Variants in ATP4A observed in about 807,000 individuals in gnomAD.
ATP4A encodes ATPase H+/K+ transporting subunit alpha, also known as potassium-transporting ATPase alpha chain 1.
In ATP4A, 73 loss-of-function variants were observed where a neutral mutation model predicts 112.1. The ratio of observed to expected loss-of-function variants is 0.65; its 90% CI spans 0.54 to 0.79. The LOEUF (loss-of-function observed/expected upper bound fraction) is 0.79. ATP4A is among the 30% of genes least tolerant of loss of function. ATP4A has a pLI of 0.00. For synonymous variants in ATP4A, 588 were observed against 588.9 expected, an observed-to-expected ratio of 1.00 and a Z score of 0.02; for missense variants, 1,081 against 1,425.9, an observed-to-expected ratio of 0.76 and a Z score of 3.90.
In ATP4A at chr19:35,551,098, C is replaced by G; in HGVS notation, c.2899G>C (p.Val967Leu). The G allele has an allele frequency of 6.2e-7, 1 of 1,609,732 alleles. No homozygotes were observed. The highest frequency in any genetic ancestry group is 1.3e-5 in the African/African-American group (1 of 74,928). The change falls in exon 20 of 22, where the codon GTG (valine) becomes CTG (leucine). Residue 967 changes from valine (V) to leucine (L), a missense_variant. Coordinates refer to ENST00000262623, the MANE Select transcript of ATP4A (RefSeq NM_000704.3). The surrounding 1 kb of genome is among the most constrained non-coding windows in gnomAD (Gnocchi z 5.2). ...QQGFFRNKIL[V>L]IAIVFQVCIG... ...CAGACCTGGAACACGATGGCGATCA[C>G]CAGGATCTTATTCCTGGGGGTGGGC... is the stretch of plus-strand genomic sequence containing the variant.
rs372500880 is a variant in ATP4A, at chr19:35,557,665, T to C, written c.1683A>G (p.Glu561=). The change falls in exon 11 of 22, where the codon GAA becomes GAG. Residue 561 remains glutamate, a synonymous_variant. Coordinates refer to ENST00000262623, the MANE Select transcript of ATP4A (RefSeq NM_000704.3). The surrounding 1 kb of genome is among the most constrained non-coding windows in gnomAD (Gnocchi z 4.4). Reference sequence around the variant, plus strand: ...GCCCAGGGGTCTCACCGAGCACGCGTTCGCCCAGGCCTCCCAGGCTGAGGT... The same window carrying C: ...GCCCAGGGGTCTCACCGAGCACGCGCTCGCCCAGGCCTCCCAGGCTGAGGT... ...TAYLSLGGLG[E]RVLGFCQLYL... is the part of the protein sequence containing the mutation. 3.7e-6 allele frequency: 6 copies of C among 1,607,140 alleles called. No homozygotes were observed. The African/African-American group carries it at 6.7e-5, about 18-fold the overall frequency.
In ATP4A at chr19:35,558,361, C is replaced by A. The variant is rs111791558; in HGVS notation, c.1500+1G>T. 1.2e-6 allele frequency: 2 copies of A among 1,609,308 alleles called. No individual in the cohort carries two copies. The highest frequency in any genetic ancestry group is 1.7e-6 in the Non-Finnish European group (2 of 1,178,002). On this transcript the variant is annotated splice_donor_variant, in intron 10 of 21. Transcript: ENST00000262623. LOFTEE classifies it high-confidence loss of function. The surrounding 1 kb of genome is among the most constrained non-coding windows in gnomAD (Gnocchi z 5.1). Reference sequence around the variant, plus strand: ...GGCCGTGGGCGGGGCCGGCTGCGCACCTGGAACTTGTTGGTGGAGTTGAAG... The same window carrying A: ...GGCCGTGGGCGGGGCCGGCTGCGCAACTGGAACTTGTTGGTGGAGTTGAAG...
In ATP4A at chr19:35,563,108, ATCTCTCCCTC is replaced by A. The variant is rs1473105547; in HGVS notation, c.216+91_216+100del. ...TATTTCTCCATATCTTCCTCTCTTC[ATCTCTCCCTC>A]TCTCTCCCTCTCTCCATCTCCCTCC... On this transcript the variant is annotated intron_variant, in intron 3 of 21. Transcript: ENST00000262623. 14 of 1,244,544 alleles carry A rather than the reference ATCTCTCCCTC, an allele frequency of 1.1e-5. No homozygotes were observed. In the South Asian group the frequency reaches 1.3e-4, roughly 11 times the overall value. The allele number at this position is 1,244,544 out of a possible 1,614,324, so 77.1% of individuals were successfully genotyped here.
rs2071593280 is a variant in ATP4A, at chr19:35,550,244, C to T, written c.*371G>A. The stretch of plus-strand genomic sequence containing the variant: ...TTATTACCATCGCCCAGGACACAAG[C>T]GTGTCTTTAACGAAGGGCCCTCAGG... On this transcript the variant is annotated 3_prime_UTR_variant, in exon 22 of 22. Coordinates refer to ENST00000262623, the MANE Select transcript of ATP4A (RefSeq NM_000704.3). This position sits in a 1 kb window ranked among gnomAD's most constrained non-coding sequence, Gnocchi z 4.1. 3.3e-6 allele frequency: 1 copy of T among 301,484 alleles called. No homozygotes were observed. The highest frequency in any genetic ancestry group is 6.3e-6 in the Non-Finnish European group (1 of 158,570). The allele number at this position is 301,484 out of a possible 1,614,324, so 18.7% of individuals were successfully genotyped here.
Position 35,550,589 on chromosome 19 carries a change from A to G in ATP4A, c.*26T>C. The G allele has an allele frequency of 6.2e-7, 1 of 1,613,502 alleles. No individual in the cohort carries two copies. The highest frequency in any genetic ancestry group is 1.3e-5 in the African/African-American group (1 of 74,970). ...TGCCCCCACCTGCTGTGGCAGTTGCAGGGATGCTTGAAGGCAGTCGTCCCT... is the reference window on the plus strand; with the variant it reads ...TGCCCCCACCTGCTGTGGCAGTTGCGGGGATGCTTGAAGGCAGTCGTCCCT... On this transcript the variant is annotated 3_prime_UTR_variant, in exon 22 of 22. Coordinates refer to ENST00000262623, the MANE Select transcript of ATP4A (RefSeq NM_000704.3). This position sits in a 1 kb window ranked among gnomAD's most constrained non-coding sequence, Gnocchi z 4.1.
chr19:35,562,482 C>T lies in ATP4A; in HGVS notation c.373G>A (p.Ala125Thr), dbSNP rs777515851. 6 of 1,614,154 alleles carry T rather than the reference C, an allele frequency of 3.7e-6. No individual in the cohort carries two copies. Among genetic ancestry groups the T allele is most frequent in the Non-Finnish European group, 4.2e-6 (5 of 1,180,022 alleles). ...MWVAAAICLIAFAIQASEGDL... is the reference protein window; with the variant it reads ...MWVAAAICLITFAIQASEGDL... ...CCCTCACTAGCCTGGATGGCAAAGGCGATGAGGCAGATGGCGGCGGCAACC... is the reference window on the plus strand; with the variant it reads ...CCCTCACTAGCCTGGATGGCAAAGGTGATGAGGCAGATGGCGGCGGCAACC... Residue 125 changes from alanine (A) to threonine (T), a missense_variant, in exon 4 of 22, where the codon GCC (alanine) becomes ACC (threonine). Around this residue, in one of 3 missense-constraint regions of ATP4A, gnomAD observed 850 missense variants for 1,068.2 expected, o/e 0.80. Transcript: ENST00000262623.
rs924959913 is a variant in ATP4A at position 35,557,583 on chromosome 19, G to T, written c.1693+72C>A. On this transcript the variant is annotated intron_variant, in intron 11 of 21. Coordinates refer to ENST00000262623, the MANE Select transcript of ATP4A (RefSeq NM_000704.3). The surrounding 1 kb of genome is among the most constrained non-coding windows in gnomAD (Gnocchi z 4.4). Reference sequence around the variant, plus strand: ...GGATGAGGACGGTCAGGGCTGGGCCGGGAGTGGTGGGCAGGGTCTGTGCTA... The same window carrying T: ...GGATGAGGACGGTCAGGGCTGGGCCTGGAGTGGTGGGCAGGGTCTGTGCTA... 6.0e-6 allele frequency: 9 copies of T among 1,489,856 alleles called. No individual in the cohort carries two copies. In the South Asian group the frequency reaches 1.2e-4, roughly 19 times the overall value. 92.3% of individuals were successfully genotyped at this position (1,489,856 alleles called of 1,614,324 possible).
chr19:35,562,681 T>G, intron 3 of ATP4A, 43 bp from the exon 4 acceptor site: 1 of 1,530,678 alleles, frequency 6.5e-7, no homozygotes, highest in Non-Finnish European at 8.8e-7. Context: ...GGGGCTTTCC[T>G]CCACATGCAC....
intron 1 of ATP4A, 43 bp downstream of exon 1, chr19:35,563,575 A>G (rs2071685660): frequency 8.1e-6 from 13 of 1,613,256 alleles, no homozygotes; most frequent in South Asian, 2.2e-5. Flanking sequence ...TTCCACTGCA[A>G]CCCCTGTCCC....
In ATP4A at chr19:35,559,338, C is replaced by T. The variant is rs1479411048; in HGVS notation, c.1057-147G>A. 1.2e-6 allele frequency: 1 copy of T among 842,220 alleles called. No individual in the cohort carries two copies. The highest frequency in any genetic ancestry group is 1.9e-6 in the Non-Finnish European group (1 of 539,712). The allele number at this position is 842,220 out of a possible 1,614,324, so 52.2% of individuals were successfully genotyped here. A position where few individuals can be genotyped will look rare whatever the true frequency, so the allele number is the denominator to read the frequency against. On this transcript the variant is annotated intron_variant, in intron 7 of 21. Coordinates refer to ENST00000262623, the MANE Select transcript of ATP4A (RefSeq NM_000704.3). The surrounding 1 kb of genome is among the most constrained non-coding windows in gnomAD (Gnocchi z 4.1). ...CAAACACCAGGTGTTTTCTTGGCCC[C>T]AGCTTTTGTTCAGCCAGTGCTTTGT...
chr19:35,563,562 A>C (rs766374960), intron 1 of ATP4A, 35 bp from the exon 2 acceptor site: 1 of 1,613,832 alleles, frequency 6.2e-7, no homozygotes, highest in Non-Finnish European at 8.5e-7. Flanking sequence ...GGGAGAACTC[A>C]GATTCCACTG....
Position 35,551,501 on chromosome 19 carries a change from T to G in ATP4A, c.2831A>C (p.Asp944Ala). 3 of 1,614,076 alleles carry G rather than the reference T, an allele frequency of 1.9e-6. No individual in the cohort carries two copies. The highest frequency in any genetic ancestry group is 2.5e-6 in the Non-Finnish European group (3 of 1,180,000). ...FISIEVCQIA[D>A]VLIRKTRRLS... ...ACGGCGCGTCTTGCGGATGAGGACATCGGCGATCTGGCACACCTCAATGCT... is the reference window on the plus strand; with the variant it reads ...ACGGCGCGTCTTGCGGATGAGGACAGCGGCGATCTGGCACACCTCAATGCT... Residue 944 changes from aspartate (D) to alanine (A), a missense_variant, in exon 19 of 22, where the codon GAT (aspartate) becomes GCT (alanine). Asp to Ala is a moderately radical substitution (Grantham distance 126). Transcript: ENST00000262623. The surrounding 1 kb of genome is among the most constrained non-coding windows in gnomAD (Gnocchi z 5.2).
intron 12 of ATP4A, among the ~76,000 whole-genome samples, chr19:35,556,037 A>T (rs79926789): frequency 3.3e-5 from 5 of 152,342 alleles, no homozygotes; most frequent in African/African-American, 7.2e-5. Context: ...GTGTGTTAGA[A>T]AGTGGAAAAA....
At chr19:35,553,987 G>GTGT in intron 16 of ATP4A, 158 bp from the exon 17 acceptor site, 4 of 1,010,700 alleles carry the variant, frequency 4.0e-6, no homozygotes, top group Non-Finnish European at 5.5e-6. Context: ...GGACAGCCTG[G>GTGT]GCCCCACTGG....
chr19:35,553,988 GCC>G, intron 16 of ATP4A, 159 bp from the exon 17 acceptor site: 1 of 999,118 alleles, frequency 1.0e-6, no homozygotes, highest in Non-Finnish European at 1.4e-6. Context: ...GACAGCCTGG[GCC>G]CCACTGGCCC....
Position 35,557,022 on chromosome 19 carries a change from A to G in ATP4A, c.1760T>C (p.Met587Thr). The G allele has an allele frequency of 2.5e-6, 4 of 1,614,234 alleles. No individual in the cohort carries two copies. The highest frequency in any genetic ancestry group is 3.4e-6 in the Non-Finnish European group (4 of 1,180,042). Residue 587 changes from methionine to threonine, a missense_variant, in exon 12 of 22, where the codon ATG becomes ACG. This residue lies in a region of ATP4A where 850 missense variants were observed against 1,068.2 expected (regional missense o/e 0.80). Coordinates refer to ENST00000262623, the MANE Select transcript of ATP4A (RefSeq NM_000704.3). This position sits in a 1 kb window ranked among gnomAD's most constrained non-coding sequence, Gnocchi z 4.4. ...PPGYAFDVEA[M>T]NFPSSGLCFA... ...GCAGAGGCCGCTAGATGGAAAGTTCATGGCCTCTACGTCGAAGGCATAGCC... is the reference window on the plus strand; with the variant it reads ...GCAGAGGCCGCTAGATGGAAAGTTCGTGGCCTCTACGTCGAAGGCATAGCC...
In ATP4A at chr19:35,558,372, T is replaced by G. The variant is rs1173990604; in HGVS notation, c.1490A>C (p.Asn497Thr). The G allele has an allele frequency of 7.5e-6, 12 of 1,610,556 alleles. No individual in the cohort carries two copies. The highest frequency in any genetic ancestry group is 1.6e-4 in the Middle Eastern group (1 of 6,078). ...KVCEIPFNST[N>T]KFQLSIHTLE... is the part of the protein sequence containing the mutation. Reference sequence around the variant, plus strand: ...GGGCCGGCTGCGCACCTGGAACTTGTTGGTGGAGTTGAAGGGTATCTCGCA... The same window carrying G: ...GGGCCGGCTGCGCACCTGGAACTTGGTGGTGGAGTTGAAGGGTATCTCGCA... The change falls in exon 10 of 22, where the codon AAC becomes ACC. Residue 497 changes from asparagine to threonine, a missense_variant. Coordinates refer to ENST00000262623, the MANE Select transcript of ATP4A (RefSeq NM_000704.3). The surrounding 1 kb of genome is among the most constrained non-coding windows in gnomAD (Gnocchi z 5.1).
At chr19:35,553,667 G>GC (rs750451306) in intron 17 of ATP4A, 39 bp downstream of exon 17, 2 of 1,608,690 alleles carry the variant, frequency 1.2e-6, no homozygotes, top group East Asian at 2.2e-5. Flanking sequence ...CCAGCGCAGA[G>GC]CCCCCCACCT....
In ATP4A at chr19:35,551,449, G is replaced by C. The variant is rs1378446880; in HGVS notation, c.2883C>G (p.Phe961Leu). The change falls in exon 19 of 22, where the codon TTC becomes TTG. Residue 961 changes from phenylalanine to leucine, a missense_variant and splice_region_variant. This residue lies in a region of ATP4A where 219 missense variants were observed against 320.9 expected (regional missense o/e 0.68). Transcript: ENST00000262623. This position sits in a 1 kb window ranked among gnomAD's most constrained non-coding sequence, Gnocchi z 5.2. ...GGAAGAGGGCCAGCCAGGGACACCT[G>C]AAGAAGCCTTGCTGGAAGGCAGAGA... ...RRLSAFQQGFFRNKILVIAIV... is the reference protein window; with the variant it reads ...RRLSAFQQGFLRNKILVIAIV... 4.3e-6 allele frequency: 7 copies of C among 1,613,960 alleles called. No homozygotes were observed. Among genetic ancestry groups the C allele is most frequent in the Non-Finnish European group, 5.9e-6 (7 of 1,180,036 alleles).
Sources: allele counts gnomAD v4.1 joint callset (sites outside exome capture counted in the v4.1 genomes callset), GRCh38; gene constraint gnomAD v4.1.1; regional missense constraint gnomAD v4.1.1; non-coding constraint Gnocchi (gnomAD v3.1); transcripts MANE v1.5; gene names NCBI Gene and HGNC (gene_info 2026-07-23, HGNC 2026-07-21).